RHOBTB2: variants seen among roughly 807,000 people sequenced by gnomAD.
The protein encoded by RHOBTB2 is Rho related BTB domain containing 2.
A neutral mutation model predicts 66.5 loss-of-function variants in RHOBTB2; 39 were observed. The ratio of observed to expected loss-of-function variants is 0.59; its 90% confidence interval spans 0.45 to 0.77. The LOEUF (loss-of-function observed/expected upper bound fraction) is 0.77. RHOBTB2 is among the 30% of genes least tolerant of loss of function. RHOBTB2 has a pLI of 0.00. For missense variants in RHOBTB2, 755 were observed against 999.1 expected (o/e 0.76, Z 3.29); for synonymous variants, 390 against 395.0 (o/e 0.99, Z 0.15).
At chr8:22,979,533 A>G in the RHOBTB2 span, among the ~76,000 whole-genome samples, 1 of 151,972 alleles carries the variant, frequency 6.6e-6, no homozygotes, top group Non-Finnish European at 1.5e-5. Flanking sequence ...GCCATTATTT[A>G]TTGAAGACAT....
chr8:22,962,974 C>T, the RHOBTB2 span, among the ~76,000 whole-genome samples: 24 of 152,190 alleles, frequency 1.6e-4, no homozygotes, highest in Non-Finnish European at 2.8e-4. Context: ...GCACTAGTGG[C>T]CACAGAAGTG....
the RHOBTB2 span, among the ~76,000 whole-genome samples, chr8:22,953,643 T>C: frequency 1.3e-5 from 2 of 152,252 alleles, no homozygotes; most frequent in African/African-American, 4.8e-5. Context: ...AAGAGACTTA[T>C]TTATTTCCCT....
the RHOBTB2 span, among the ~76,000 whole-genome samples, chr8:22,958,200 T>A: frequency 6.6e-6 from 1 of 152,110 alleles, no homozygotes; most frequent in African/African-American, 2.4e-5. Flanking sequence ...TGCCCTCCCC[T>A]CTCCAAAGAT....
At chr8:22,994,095 C>T (rs1456806240) in intron 2 of RHOBTB2, among the ~76,000 whole-genome samples, 1 of 152,148 alleles carries the variant, frequency 6.6e-6, no homozygotes, top group African/African-American at 2.4e-5. Context: ...AAATATAGAC[C>T]TTCCATGCTG....
the RHOBTB2 span, among the ~76,000 whole-genome samples, chr8:22,969,926 A>AT: frequency 6.6e-6 from 1 of 151,822 alleles, no homozygotes; most frequent in South Asian, 2.1e-4. Flanking sequence ...TAGTTTTTCT[A>AT]TTTTTTGTAG....
Position 23,020,131 on chromosome 8 carries a change from T to A in RHOBTB2, c.*2662T>A, listed in dbSNP as rs1811460848. 2.6e-6 allele frequency: 1 copy of A among 381,078 alleles called. No homozygotes were observed. The highest frequency in any genetic ancestry group is 2.1e-5 in the African/African-American group (1 of 47,550). The allele number at this position is 381,078 out of a possible 1,614,324, so 23.6% of individuals were successfully genotyped here. A position where few individuals can be genotyped will look rare whatever the true frequency, so the allele number is the denominator to read the frequency against. Reference sequence around the variant, plus strand: ...GGGGGCGGGAGACAAAAACCACACCTCTTTTTATATAAGGTTTCATATTTA... The same window carrying A: ...GGGGGCGGGAGACAAAAACCACACCACTTTTTATATAAGGTTTCATATTTA... On this transcript the variant is annotated 3_prime_UTR_variant, in exon 10 of 10. Transcript: ENST00000251822.
In RHOBTB2 at chr8:23,018,287, CAG is replaced by C; in HGVS notation, c.*819_*820del. 1 of 152,622 alleles carries C rather than the reference CAG, an allele frequency of 6.6e-6. No individual in the cohort carries two copies. Among genetic ancestry groups the C allele is most frequent in the South Asian group, 2.1e-4 (1 of 4,830 alleles). The allele number at this position is 152,622 out of a possible 1,614,324, so 9.5% of individuals were successfully genotyped here. The stretch of plus-strand genomic sequence containing the variant: ...GAGTGCACGGCGACCCCGTGCTCCT[CAG>C]GGCCCTCCCCTGCCTCTGGGTGGCA... On this transcript the variant is annotated 3_prime_UTR_variant, in exon 10 of 10. Coordinates refer to ENST00000251822, the MANE Select transcript of RHOBTB2 (RefSeq NM_015178.3).
the RHOBTB2 span, among the ~76,000 whole-genome samples, chr8:22,962,245 T>A: frequency 2.1e-3 from 50 of 23,468 alleles, no homozygotes; most frequent in South Asian, 2.3e-3. Flanking sequence ...CACAAAGAGA[T>A]AAATTAAAAT....
the RHOBTB2 span, among the ~76,000 whole-genome samples, chr8:22,971,343 C>T: frequency 7.9e-6 from 1 of 127,260 alleles, no homozygotes; most frequent in East Asian, 2.7e-4. Flanking sequence ...TGTCACTACG[C>T]CCATCTATTT....
At chr8:22,971,808 C>T in the RHOBTB2 span, among the ~76,000 whole-genome samples, 1 of 152,150 alleles carries the variant, frequency 6.6e-6, no homozygotes, top group South Asian at 2.1e-4. Flanking sequence ...TTACTTTCTG[C>T]AGGATAACCT....
chr8:22,972,469 C>CCAACAGTCTGT, the RHOBTB2 span, among the ~76,000 whole-genome samples: 4 of 152,202 alleles, frequency 2.6e-5, no homozygotes, highest in Non-Finnish European at 5.9e-5. Context: ...GTTGTCACCA[C>CCAACAGTCTGT]TGTCAGCCCT....
chr8:22,958,802 GAAAAAAA>G, the RHOBTB2 span, among the ~76,000 whole-genome samples: 13 of 52,180 alleles, frequency 2.5e-4, 1 homozygote, highest in East Asian at 1.6e-3. Flanking sequence ...GCCCCTCTCT[GAAAAAAA>G]AAAAAAAAAA....
the RHOBTB2 span, among the ~76,000 whole-genome samples, chr8:22,979,308 T>C: frequency 6.6e-6 from 1 of 152,230 alleles, no homozygotes; most frequent in African/African-American, 2.4e-5. Context: ...AAGTATTACA[T>C]ACATATTGTA....
chr8:23,017,412 C>G lies in RHOBTB2; in HGVS notation c.2127C>G (p.Ser709=), dbSNP rs760641073. 1.2e-6 allele frequency: 2 copies of G among 1,613,454 alleles called. No homozygotes were observed. Among genetic ancestry groups the G allele is most frequent in the East Asian group, 4.5e-5 (2 of 44,836 alleles). ...GGCTCTTCTGGAACAGTCCATCCTCCCCGTCTTCCTCGGCAGCCTCCTCCT... is the reference window on the plus strand; with the variant it reads ...GGCTCTTCTGGAACAGTCCATCCTCGCCGTCTTCCTCGGCAGCCTCCTCCT... The part of the protein sequence containing the change: ...RRWLFWNSPS[S]PSSSAASSSS... The change falls in exon 10 of 10, where the codon TCC becomes TCG. Residue 709 remains serine, a synonymous_variant. Coordinates refer to ENST00000251822, the MANE Select transcript of RHOBTB2 (RefSeq NM_015178.3). The surrounding 1 kb of genome is among the most constrained non-coding windows in gnomAD (Gnocchi z 5.3).
At chr8:23,013,324 C>T (rs1811199582) in intron 7 of RHOBTB2, among the ~76,000 whole-genome samples, 1 of 151,988 alleles carries the variant, frequency 6.6e-6, no homozygotes, top group Admixed American at 6.5e-5. Context: ...AGTCCTCCAC[C>T]TCTCCCTCCT....
upstream of RHOBTB2, among the ~76,000 whole-genome samples, chr8:22,982,905 C>G (rs189182745): frequency 5.6e-4 from 86 of 152,316 alleles, no homozygotes; most frequent in Admixed American, 1.6e-3. Flanking sequence ...TGCTTCCTCT[C>G]AGGGCAGAAG....
In RHOBTB2 at chr8:23,004,142, G is replaced by A. The variant is rs1000534228; in HGVS notation, c.-10-283G>A. 28 of 456,532 alleles carry A rather than the reference G, an allele frequency of 6.1e-5. No homozygotes were observed. Among genetic ancestry groups the A allele is most frequent in the Non-Finnish European group, 8.6e-5 (21 of 244,806 alleles). The allele number at this position is 456,532 out of a possible 1,614,324, so 28.3% of individuals were successfully genotyped here. A position where few individuals can be genotyped will look rare whatever the true frequency, so the allele number is the denominator to read the frequency against. ...CTCGGCAAGCTCCACTGGTGATCTCGCGTAGGTCTCCTTCATCCAGACGCA... is the reference window on the plus strand; with the variant it reads ...CTCGGCAAGCTCCACTGGTGATCTCACGTAGGTCTCCTTCATCCAGACGCA... On this transcript the variant is annotated intron_variant, in intron 1 of 9. Transcript: ENST00000251822. The surrounding 1 kb of genome is among the most constrained non-coding windows in gnomAD (Gnocchi z 6.4).
chr8:23,016,088 C>A (rs888342), intron 9 of RHOBTB2, among the ~76,000 whole-genome samples: 41,557 of 152,178 alleles, frequency 0.27, 6,214 homozygotes, highest in Admixed American at 0.33. Context: ...TCTAATGCTG[C>A]TCATGGCCCA....
the RHOBTB2 span, among the ~76,000 whole-genome samples, chr8:22,970,672 C>G: frequency 2.0e-5 from 3 of 152,002 alleles, no homozygotes; most frequent in Admixed American, 2.0e-4. Context: ...GTTGCCCAGG[C>G]TGGTCTTGAG....
Sources: gnomAD v4.1 joint callset for allele counts (sites outside exome capture counted in the v4.1 genomes callset) on GRCh38, gnomAD v4.1.1 for gene constraint, Gnocchi (gnomAD v3.1) non-coding constraint, MANE v1.5 for transcripts, NCBI Gene and HGNC (gene_info 2026-07-23, HGNC 2026-07-21) for gene names.